PIK3CD: variants seen among roughly 807,000 people sequenced by gnomAD.
PIK3CD encodes phosphatidylinositol 4,5-bisphosphate 3-kinase catalytic subunit delta isoform.
Under a neutral mutation model 122.9 loss-of-function variants are expected in PIK3CD, and 20 were observed. The ratio of observed to expected loss-of-function variants is 0.16; its 90% CI spans 0.11 to 0.24. PIK3CD has a LOEUF of 0.24. Ranked by LOEUF, PIK3CD falls within the 10% of genes least tolerant of loss-of-function variation. PIK3CD has a pLI of 1.00. For missense variants in PIK3CD, 787 were observed against 1,406.3 expected (o/e 0.56, Z 7.04); for synonymous variants, 596 against 593.4 (o/e 1.00, Z -0.06).
rs376290726 is a variant in PIK3CD at position 9,716,559 on chromosome 1, G to A, written c.720G>A (p.Thr240=). ...TGGTGGAGCAGCCGGAAGACTACAC[G>A]CTGCAGGTGAACGGCAGGCATGAGT... is the stretch of plus-strand genomic sequence containing the variant. ...QPLVEQPEDY[T]LQVNGRHEYL... Residue 240 remains threonine (T), a synonymous_variant, in exon 6 of 24, where the codon ACG becomes ACA. Coordinates refer to ENST00000377346, the MANE Select transcript of PIK3CD (RefSeq NM_005026.5). 6.8e-5 allele frequency: 109 copies of A among 1,604,410 alleles called. No individual in the cohort carries two copies. The highest frequency in any genetic ancestry group is 3.5e-4 in the African/African-American group (26 of 74,626).
chr1:9,665,158 C>G lies in PIK3CD; in HGVS notation c.-138+13356C>G, dbSNP rs145110462. 3.6e-3 allele frequency among the ~76,000 whole-genome samples: 522 copies of G among 144,124 alleles called. 4 individuals carry two copies. Among genetic ancestry groups the G allele is most frequent in the East Asian group, 0.021 (104 of 4,902 alleles). The allele number at this position is 144,124 out of a possible 152,430, so 94.6% of individuals were successfully genotyped here. ...GGTCAAGGCTGCAGTGAGCCGTGAT[C>G]GCACTAATGCATTTTAGCCTGGGTA... is the stretch of plus-strand genomic sequence containing the variant. On this transcript the variant is annotated intron_variant, in intron 1 of 23. Coordinates refer to ENST00000377346, the MANE Select transcript of PIK3CD (RefSeq NM_005026.5).
chr1:9,670,991 C>T (rs1382422807), intron 1 of PIK3CD, among the ~76,000 whole-genome samples: 2 of 152,244 alleles, frequency 1.3e-5, no homozygotes, highest in Non-Finnish European at 2.9e-5. Context: ...CTTCTTACCT[C>T]AAGTGATCTG....
chr1:9,667,908 G>GTTTTTTTTT (rs745429754), intron 1 of PIK3CD, among the ~76,000 whole-genome samples: 6 of 55,156 alleles, frequency 1.1e-4, no homozygotes, highest in Non-Finnish European at 1.5e-4. Context: ...GCTAATTTTT[G>GTTTTTTTTT]TTTTTTTTTT....
the PIK3CD span, among the ~76,000 whole-genome samples, chr1:9,638,802 G>C: frequency 7.1e-6 from 1 of 141,196 alleles, no homozygotes; most frequent in Non-Finnish European, 1.5e-5. Context: ...TTGAGACAGA[G>C]TCTTGCTCTG....
intron 2 of PIK3CD, among the ~76,000 whole-genome samples, chr1:9,696,199 T>G (rs1004647290): frequency 1.3e-5 from 2 of 152,016 alleles, no homozygotes; most frequent in African/African-American, 4.8e-5. Context: ...CTCAAATTTC[T>G]GGGCTCAAGC....
At chr1:9,701,802 T>C (rs531555902) in intron 2 of PIK3CD, among the ~76,000 whole-genome samples, 1 of 152,196 alleles carries the variant, frequency 6.6e-6, no homozygotes, top group Admixed American at 6.5e-5. Flanking sequence ...AGGGAGAACC[T>C]GGCTTACTGT....
rs549586919 is a variant in PIK3CD, at chr1:9,724,912, C to T, written c.2973C>T (p.Cys991=). 6.8e-6 allele frequency: 11 copies of T among 1,613,912 alleles called. No homozygotes were observed. In the South Asian group the frequency reaches 9.9e-5, roughly 14 times the overall value. The change falls in exon 23 of 24, where the codon TGC becomes TGT. Residue 991 remains cysteine, a synonymous_variant. Coordinates refer to ENST00000377346, the MANE Select transcript of PIK3CD (RefSeq NM_005026.5). The surrounding 1 kb of genome is among the most constrained non-coding windows in gnomAD (Gnocchi z 7.3). ...CGGCAGGCCTGCCTGAGCTCAGCTG[C>T]TCCAAAGACATCCAGTATCTCAAGG... The part of the protein sequence containing the change: ...MRAAGLPELS[C]SKDIQYLKDS...
At chr1:9,663,782 G>A (rs1645078428) in intron 1 of PIK3CD, among the ~76,000 whole-genome samples, 1 of 129,878 alleles carries the variant, frequency 7.7e-6, no homozygotes, top group African/African-American at 3.0e-5. Context: ...CCCTTCCTGT[G>A]TCCAAGTGTT....
rs961661552 is a variant in PIK3CD, at chr1:9,689,566, C to T, written c.-137-1901C>T. ...CGCCCCTCCGCCGAGCCCCGCTTGC[C>T]TGCACCTCGCGCGGCGGGCCTGCCC... On this transcript the variant is annotated intron_variant, in intron 1 of 23. Coordinates refer to ENST00000377346, the MANE Select transcript of PIK3CD (RefSeq NM_005026.5). This position sits in a 1 kb window ranked among gnomAD's most constrained non-coding sequence, Gnocchi z 6.1. Among the ~76,000 whole-genome samples the T allele has an allele frequency of 6.7e-6, 1 of 148,790 alleles. No homozygotes were observed. The highest frequency in any genetic ancestry group is 6.7e-5 in the Admixed American group (1 of 14,998).
Position 9,717,692 on chromosome 1 carries a change from G to C in PIK3CD, c.1020+66G>C. 1 of 1,423,278 alleles carries C rather than the reference G, an allele frequency of 7.0e-7. No individual in the cohort carries two copies. Among genetic ancestry groups the C allele is most frequent in the Non-Finnish European group, 9.9e-7 (1 of 1,014,492 alleles). The allele number at this position is 1,423,278 out of a possible 1,614,324, so 88.2% of individuals were successfully genotyped here. The stretch of plus-strand genomic sequence containing the variant: ...GCACAAACAAGGTGGCTGTATCCTG[G>C]AGGGGTAGCAGAGGAAGGAGGGGGA... On this transcript the variant is annotated intron_variant, in intron 8 of 23. Transcript: ENST00000377346. The surrounding 1 kb of genome is among the most constrained non-coding windows in gnomAD (Gnocchi z 5.4).
At chr1:9,670,150 CAAAAAA>C (rs375500599) in intron 1 of PIK3CD, among the ~76,000 whole-genome samples, 1 of 60,310 alleles carries the variant, frequency 1.7e-5, no homozygotes. Flanking sequence ...AATTCCACCT[CAAAAAA>C]AAAAAAAAAA....
intron 1 of PIK3CD, among the ~76,000 whole-genome samples, chr1:9,682,412 A>G (rs543565088): frequency 6.6e-6 from 1 of 151,128 alleles, no homozygotes; most frequent in African/African-American, 2.4e-5. Flanking sequence ...AATTTTTGGT[A>G]TTTTTAGGAG....
intron 1 of PIK3CD, among the ~76,000 whole-genome samples, chr1:9,673,987 T>G (rs1645420700): frequency 6.6e-6 from 1 of 152,164 alleles, no homozygotes; most frequent in Non-Finnish European, 1.5e-5. Flanking sequence ...AAGGCTCGAC[T>G]CCATGGCACC....
chr1:9,636,280 A>AC, the PIK3CD span, among the ~76,000 whole-genome samples: 1 of 152,016 alleles, frequency 6.6e-6, no homozygotes, highest in Non-Finnish European at 1.5e-5. Flanking sequence ...TTCAGCCTCC[A>AC]CCTCCTGGGT....
rs915834644 is a variant in PIK3CD, at chr1:9,718,363, A to G, written c.1021-331A>G. Reference sequence around the variant, plus strand: ...GGGCTCATAGGAATCTGAGAAGTCCAGGGAGCCCTAGGATGTTAGAGCAAG... The same window carrying G: ...GGGCTCATAGGAATCTGAGAAGTCCGGGGAGCCCTAGGATGTTAGAGCAAG... On this transcript the variant is annotated intron_variant, in intron 8 of 23. Transcript: ENST00000377346. The surrounding 1 kb of genome is among the most constrained non-coding windows in gnomAD (Gnocchi z 7.2). 6.6e-6 allele frequency among the ~76,000 whole-genome samples: 1 copy of G among 152,082 alleles called. No individual in the cohort carries two copies. Among genetic ancestry groups the G allele is most frequent in the African/African-American group, 2.4e-5 (1 of 41,400 alleles).
chr1:9,630,849 T>C, the PIK3CD span, among the ~76,000 whole-genome samples: 1 of 151,822 alleles, frequency 6.6e-6, no homozygotes, highest in African/African-American at 2.4e-5. Flanking sequence ...GAGCTACAAG[T>C]CCCGGCTCCT....
chr1:9,645,306 A>T, the PIK3CD span, among the ~76,000 whole-genome samples: 1 of 151,716 alleles, frequency 6.6e-6, no homozygotes, highest in Non-Finnish European at 1.5e-5. Flanking sequence ...GGCGTGAGCC[A>T]CCGCTTGCCC....
intron 23 of PIK3CD, among the ~76,000 whole-genome samples, chr1:9,725,508 T>C (rs907149045): frequency 1.3e-5 from 2 of 151,986 alleles, no homozygotes; most frequent in Non-Finnish European, 2.9e-5. Context: ...TGAGCCGAGA[T>C]TGTGCCATTG....
chr1:9,649,636 G>A (rs1350884090), upstream of PIK3CD, among the ~76,000 whole-genome samples: 2 of 152,186 alleles, frequency 1.3e-5, no homozygotes, highest in Admixed American at 1.3e-4. Flanking sequence ...CTAAGCCTCA[G>A]ATCCCTCATC....
Sources: allele counts gnomAD v4.1 joint callset (sites outside exome capture counted in the v4.1 genomes callset), GRCh38; gene constraint gnomAD v4.1.1; non-coding constraint Gnocchi (gnomAD v3.1); transcripts MANE v1.5; gene names NCBI Gene and HGNC (gene_info 2026-07-23, HGNC 2026-07-21).